FAAP24: variants seen among roughly 807,000 people sequenced by gnomAD.
FAAP24 encodes the protein FA core complex associated protein 24, also known as Fanconi anemia core complex-associated protein 24.
FAAP24 carries 16 observed loss-of-function variants against 14.3 expected under a neutral mutation model. That is an observed-to-expected ratio of 1.12 (90% CI 0.76 to 1.69). The LOEUF (loss-of-function observed/expected upper bound fraction) is 1.69, where lower values mean the gene tolerates loss of function less well. FAAP24 is among the 40% of genes most tolerant of loss of function. FAAP24 has a pLI of 0.00. For synonymous variants in FAAP24, 111 were observed against 106.2 expected (o/e 1.04, Z -0.28); for missense variants, 234 against 262.7 (o/e 0.89, Z 0.75).
At chr19:32,974,850 AG>A (rs1268215760) in intron 4 of FAAP24, among the ~76,000 whole-genome samples, 1 of 148,150 alleles carries the variant, frequency 6.7e-6, no homozygotes, top group African/African-American at 2.5e-5. Context: ...ATTTTTGTTA[AG>A]CATCAGCACC....
At chr19:32,973,862 A>AAAAAAC (rs1452322159) in intron 3 of FAAP24, among the ~76,000 whole-genome samples, 198 bp from the exon 4 acceptor site, 1 of 152,232 alleles carries the variant, frequency 6.6e-6, no homozygotes. Context: ...CTCAAAAAAC[A>AAAAAAC]AAAAACAAAA....
At chr19:32,975,500 C>T (rs1971504899) in intron 4 of FAAP24, among the ~76,000 whole-genome samples, 1 of 140,918 alleles carries the variant, frequency 7.1e-6, no homozygotes, top group African/African-American at 2.7e-5. Context: ...GCTCTTGTTG[C>T]TCAGGTTGGA....
At position 32,976,837 on chromosome 19, in the gene FAAP24, C is replaced by A; in HGVS notation, c.*155C>A. On this transcript the variant is annotated 3_prime_UTR_variant, in exon 5 of 5. Coordinates refer to ENST00000588258, the MANE Select transcript of FAAP24 (RefSeq NM_152266.5). ...CCGAAGACAGCGGATCATCTGAGGT[C>A]AGGAGTTCAAGACCAGCCTGGCCAA... The A allele has an allele frequency of 1.0e-6, 1 of 967,758 alleles. No individual in the cohort carries two copies. The highest frequency in any genetic ancestry group is 1.5e-6 in the Non-Finnish European group (1 of 671,380). 59.9% of individuals were successfully genotyped at this position (967,758 alleles called of 1,614,324 possible).
intron 4 of FAAP24, 47 bp from the exon 5 acceptor site, chr19:32,976,384 A>C (rs779119607): frequency 6.4e-7 from 1 of 1,551,138 alleles, no homozygotes; most frequent in African/African-American, 1.4e-5. Context: ...GAAAACGGCC[A>C]GTCCTCCAGA....
chr19:32,973,434 A>T lies in FAAP24; in HGVS notation c.115A>T (p.Lys39Ter), dbSNP rs1420030728. The change falls in exon 3 of 5, where the codon AAG becomes TAG. Residue 39 changes from lysine to a stop codon, truncating the protein, a stop_gained. Transcript: ENST00000588258. LOFTEE classifies it high-confidence loss of function. The part of the protein sequence containing the change: ...QLAQEMQGKI[K>*]LIFEDGLTPD... ...CTTCTCTGTATTTTAAGGGAAAATT[A>T]AGCTCATTTTCGAGGATGGCTTGAC... 1 of 1,613,874 alleles carries T rather than the reference A, an allele frequency of 6.2e-7. No individual in the cohort carries two copies. Among genetic ancestry groups the T allele is most frequent in the Non-Finnish European group, 8.5e-7 (1 of 1,179,932 alleles).
rs1959804133 is a variant in FAAP24 at position 32,972,330 on chromosome 19, T to TG, written c.-28dup. 1 of 410,464 alleles carries TG rather than the reference T, an allele frequency of 2.4e-6. No homozygotes were observed. Among genetic ancestry groups the TG allele is most frequent in the Non-Finnish European group, 4.3e-6 (1 of 231,600 alleles). The allele number at this position is 410,464 out of a possible 1,614,324, so 25.4% of individuals were successfully genotyped here. ...TGCCGGCTGTATTCGGGCCTTGGAC[T>TG]GGACTGAGAAGCTACGGTGCGGATC... On this transcript the variant is annotated 5_prime_UTR_variant, in exon 1 of 5. It removes the in-frame stop codon of an upstream open reading frame in the 5' UTR. Coordinates refer to ENST00000588258, the MANE Select transcript of FAAP24 (RefSeq NM_152266.5).
At chr19:32,972,715 CTT>C (rs56020597) in intron 1 of FAAP24, among the ~76,000 whole-genome samples, 4 of 100,732 alleles carry the variant, frequency 4.0e-5, no homozygotes, top group Admixed American at 1.0e-4. Flanking sequence ...TTTTTCTTTT[CTT>C]TTTTTTTTTT....
Position 32,972,295 on chromosome 19 carries a change from G to A in FAAP24, c.-65G>A. 2.4e-6 allele frequency: 1 copy of A among 424,720 alleles called. No individual in the cohort carries two copies. Among genetic ancestry groups the A allele is most frequent in the Non-Finnish European group, 4.2e-6 (1 of 239,030 alleles). The allele number at this position is 424,720 out of a possible 1,614,324, so 26.3% of individuals were successfully genotyped here. A position where few individuals can be genotyped will look rare whatever the true frequency, so the allele number is the denominator to read the frequency against. On this transcript the variant is annotated 5_prime_UTR_variant, in exon 1 of 5. It adds an upstream start codon to the 5' untranslated region. Transcript: ENST00000588258. ...GTAACATGATCTCTAGACTGGGACG[G>A]TGGGGTTCCTGCCGGCTGTATTCGG...
chr19:32,975,173 G>GTT (rs142660177), intron 4 of FAAP24, among the ~76,000 whole-genome samples: 18 of 135,680 alleles, frequency 1.3e-4, no homozygotes, highest in Admixed American at 3.8e-4. Context: ...TGCCTGGGCA[G>GTT]TTTTTTTTTT....
rs777153739 is a variant in FAAP24, at chr19:32,974,227, C to T, written c.396+15C>T. On this transcript the variant is annotated intron_variant, in intron 4 of 4. Coordinates refer to ENST00000588258, the MANE Select transcript of FAAP24 (RefSeq NM_152266.5). ...TCATCCAGTTGGTGAGTACCGATTC[C>T]TACACCTTCGTGGTAGTCCTGTCCT... 8 of 1,608,206 alleles carry T rather than the reference C, an allele frequency of 5.0e-6. No individual in the cohort carries two copies. The highest frequency in any genetic ancestry group is 6.8e-6 in the Non-Finnish European group (8 of 1,177,944).
chr19:32,977,289 C>G lies in FAAP24; in HGVS notation c.*607C>G. On this transcript the variant is annotated 3_prime_UTR_variant, in exon 5 of 5. Coordinates refer to ENST00000588258, the MANE Select transcript of FAAP24 (RefSeq NM_152266.5). ...AAGCATTAGGGCCGATTTTAATGTGCGACCTTGACCTGCATCTGTCATGGA... is the reference window on the plus strand; with the variant it reads ...AAGCATTAGGGCCGATTTTAATGTGGGACCTTGACCTGCATCTGTCATGGA... 5.0e-6 allele frequency: 2 copies of G among 398,710 alleles called. No homozygotes were observed. Among genetic ancestry groups the G allele is most frequent in the Non-Finnish European group, 8.8e-6 (2 of 226,236 alleles). The allele number at this position is 398,710 out of a possible 1,614,324, so 24.7% of individuals were successfully genotyped here. A position where few individuals can be genotyped will look rare whatever the true frequency, so the allele number is the denominator to read the frequency against.
rs377586948 is a variant in FAAP24, at chr19:32,974,101, G to T, written c.285G>T (p.Arg95=). ...LKGIVVVEKT[R]MSEQYFPALQ... ...GAATTGTAGTCGTTGAAAAAACCCG[G>T]ATGAGTGAACAATACTTCCCAGCCC... Residue 95 remains arginine (R), a synonymous_variant, in exon 4 of 5, where the codon CGG becomes CGT. Coordinates refer to ENST00000588258, the MANE Select transcript of FAAP24 (RefSeq NM_152266.5). 30 of 1,614,150 alleles carry T rather than the reference G, an allele frequency of 1.9e-5. No homozygotes were observed. In the African/African-American group the frequency reaches 3.6e-4, roughly 19 times the overall value.
In FAAP24 at chr19:32,976,731, G is replaced by A; in HGVS notation, c.*49G>A. 1 of 1,597,196 alleles carries A rather than the reference G, an allele frequency of 6.3e-7. No homozygotes were observed. Among genetic ancestry groups the A allele is most frequent in the Non-Finnish European group, 8.5e-7 (1 of 1,170,914 alleles). On this transcript the variant is annotated 3_prime_UTR_variant, in exon 5 of 5. Coordinates refer to ENST00000588258, the MANE Select transcript of FAAP24 (RefSeq NM_152266.5). ...TCTTCTCCTGAGACCACAAACACCA[G>A]GATCTTGTTTTCAGCTTTAAAAACC...
At chr19:32,974,891 T>C (rs1030135392) in intron 4 of FAAP24, among the ~76,000 whole-genome samples, 2 of 152,146 alleles carry the variant, frequency 1.3e-5, no homozygotes, top group African/African-American at 4.8e-5. Context: ...TTCCCTTTTT[T>C]TTGAGGCGGA....
chr19:32,973,143 G>A (rs1024942691), intron 1 of FAAP24, 41 bp from the exon 2 acceptor site: 2 of 1,542,762 alleles, frequency 1.3e-6, no homozygotes, highest in African/African-American at 2.7e-5. Context: ...GCCGTGTGCA[G>A]GAGAGCCTGC....
chr19:32,977,111 G>A lies in FAAP24; in HGVS notation c.*429G>A, dbSNP rs1445849297. On this transcript the variant is annotated 3_prime_UTR_variant, in exon 5 of 5. Transcript: ENST00000588258. ...AGCAGCAACCAGTGAAAGATGAGGC[G>A]AGGCTTGAATGGAGCCCGTGGGTCG... is the stretch of plus-strand genomic sequence containing the variant. The A allele has an allele frequency of 9.8e-6, 4 of 407,656 alleles. No individual in the cohort carries two copies. The highest frequency in any genetic ancestry group is 2.1e-4 in the South Asian group (2 of 9,600). 25.3% of individuals were successfully genotyped at this position (407,656 alleles called of 1,614,324 possible).
chr19:32,975,765 C>T (rs1406616749), intron 4 of FAAP24, among the ~76,000 whole-genome samples: 1 of 152,130 alleles, frequency 6.6e-6, no homozygotes, highest in Non-Finnish European at 1.5e-5. Context: ...GCCGCCAACA[C>T]TTATTTTTAA....
chr19:32,976,393 G>C, intron 4 of FAAP24, 38 bp from the exon 5 acceptor site: 1 of 1,576,964 alleles, frequency 6.3e-7, no homozygotes. Context: ...CAGTCCTCCA[G>C]AGGGCGCTCA....
Position 32,976,885 on chromosome 19 carries a change from G to A in FAAP24, c.*203G>A, listed in dbSNP as rs1461043818. On this transcript the variant is annotated 3_prime_UTR_variant, in exon 5 of 5. Coordinates refer to ENST00000588258, the MANE Select transcript of FAAP24 (RefSeq NM_152266.5). ...CAACATGGAGAAACCCCTAAAAATA[G>A]GAACAATTAGCCAGGCATGGTGACA... 1.6e-6 allele frequency: 1 copy of A among 620,754 alleles called. No homozygotes were observed. Among genetic ancestry groups the A allele is most frequent in the East Asian group, 2.8e-5 (1 of 35,408 alleles). The allele number at this position is 620,754 out of a possible 1,614,324, so 38.5% of individuals were successfully genotyped here.
Sources: allele counts gnomAD v4.1 joint callset (sites outside exome capture counted in the v4.1 genomes callset), GRCh38; gene constraint gnomAD v4.1.1; transcripts MANE v1.5; gene names NCBI Gene and HGNC (gene_info 2026-07-23, HGNC 2026-07-21).